The following RSRC1 variants were observed in gnomAD, a reference collection of about 807,000 sequenced individuals.
RSRC1 encodes serine/Arginine-related protein 53.
Under a neutral mutation model 49.1 loss-of-function variants are expected in RSRC1, and 39 were observed. That is an observed-to-expected ratio of 0.79 (90% CI 0.61 to 1.04). The LOEUF is 1.04. RSRC1 is among the 50% of genes least tolerant of loss of function. RSRC1 has a pLI of 0.00. For synonymous variants in RSRC1, 143 were observed against 130.8 expected (o/e 1.09, Z -0.63); for missense variants, 388 against 402.4 (o/e 0.96, Z 0.31).
At chr3:158,367,739 G>A (rs956900155) in intron 6 of RSRC1, among the ~76,000 whole-genome samples, 14 of 151,998 alleles carry the variant, frequency 9.2e-5, no homozygotes, top group Admixed American at 4.6e-4. Flanking sequence ...AAATAGTTTA[G>A]TTGACTTGGA....
rs1334050571 is a variant in RSRC1 at position 158,305,482 on chromosome 3, T to G, written c.531+7407T>G. Among the ~76,000 whole-genome samples the G allele has an allele frequency of 3.3e-5, 5 of 152,186 alleles. No homozygotes were observed. The South Asian group carries it at 1.0e-3, about 32-fold the overall frequency. On this transcript the variant is annotated intron_variant, in intron 5 of 9. Transcript: ENST00000611884. ...ACTGCAATAACTGAATATTGTATTC[T>G]TATTTTTGTTTTTTGTATTAGGGTT... is the stretch of plus-strand genomic sequence containing the variant.
intron 3 of RSRC1, among the ~76,000 whole-genome samples, chr3:158,126,019 TCTG>T (rs1275094283): frequency 1.2e-4 from 19 of 152,266 alleles, no homozygotes; most frequent in African/African-American, 4.3e-4. Flanking sequence ...TATGGCCACT[TCTG>T]CTCTTTTTTT....
At chr3:158,517,049 C>G (rs536882997) in intron 7 of RSRC1, among the ~76,000 whole-genome samples, 2 of 152,354 alleles carry the variant, frequency 1.3e-5, no homozygotes, top group African/African-American at 4.8e-5. Context: ...GCAGAAATCA[C>G]CCGTCTTCTG....
At chr3:158,379,653 C>A (rs953911824) in intron 6 of RSRC1, among the ~76,000 whole-genome samples, 1 of 152,092 alleles carries the variant, frequency 6.6e-6, no homozygotes, top group Non-Finnish European at 1.5e-5. Flanking sequence ...AGGCAGCTTC[C>A]CCTTCAAGGC....
Position 158,318,878 on chromosome 3 carries a change from T to C in RSRC1, c.531+20803T>C, listed in dbSNP as rs552305205. ...AGTGAAAGTAACTTTTGAGTTTTTA[T>C]TTCAACCCTTCTCTTTTCCTAGGAC... On this transcript the variant is annotated intron_variant, in intron 5 of 9. Transcript: ENST00000611884. 5.3e-5 allele frequency among the ~76,000 whole-genome samples: 8 copies of C among 152,330 alleles called. No homozygotes were observed. The East Asian group carries it at 1.5e-3, about 29-fold the overall frequency.
At chr3:158,259,763 G>A (rs769497059) in intron 4 of RSRC1, among the ~76,000 whole-genome samples, 3 of 152,146 alleles carry the variant, frequency 2.0e-5, no homozygotes, top group Non-Finnish European at 4.4e-5. Context: ...CTCTGTTCTA[G>A]TGCAGCTGAG....
In RSRC1 at chr3:158,399,248, G is replaced by A. The variant is rs1419990374; in HGVS notation, c.583+44340G>A. On this transcript the variant is annotated intron_variant, in intron 6 of 9. Transcript: ENST00000611884. ...CGGCTCACTGCAAGCTCCGCCTCCCGGGTTCACGCCATTCTCCTGCCTCAG... is the reference window on the plus strand; with the variant it reads ...CGGCTCACTGCAAGCTCCGCCTCCCAGGTTCACGCCATTCTCCTGCCTCAG... Among the ~76,000 whole-genome samples, 3 of 62,756 alleles carry A rather than the reference G, an allele frequency of 4.8e-5. 1 individual carries two copies. The highest frequency in any genetic ancestry group is 9.0e-5 in the Non-Finnish European group (3 of 33,314). The allele number at this position is 62,756 out of a possible 152,430, so 41.2% of individuals were successfully genotyped here. A position where few individuals can be genotyped will look rare whatever the true frequency, so the allele number is the denominator to read the frequency against.
At chr3:158,181,588 A>G (rs1479782217) in intron 3 of RSRC1, among the ~76,000 whole-genome samples, 1 of 148,092 alleles carries the variant, frequency 6.8e-6, no homozygotes, top group Non-Finnish European at 1.5e-5. Context: ...AGATGTTATC[A>G]TCATAGTTTG....
intron 4 of RSRC1, among the ~76,000 whole-genome samples, chr3:158,239,431 C>G (rs1317779025): frequency 6.6e-6 from 1 of 152,114 alleles, no homozygotes; most frequent in Non-Finnish European, 1.5e-5. Context: ...GCACTATTCA[C>G]AATAGCAAAG....
chr3:158,247,023 A>G (rs999971493), intron 4 of RSRC1, among the ~76,000 whole-genome samples: 5 of 151,872 alleles, frequency 3.3e-5, no homozygotes, highest in African/African-American at 1.2e-4. Flanking sequence ...CCAATCATTC[A>G]TAGATTCAGT....
intron 5 of RSRC1, chr3:158,336,496 G>C (rs1729898165): frequency 6.2e-6 from 1 of 160,422 alleles, no homozygotes; most frequent in Non-Finnish European, 1.4e-5. Flanking sequence ...TGACACTGAA[G>C]CATCTGTAGG....
rs1278992210 is a variant in RSRC1, at chr3:158,516,370, T to A, written c.653-20722T>A. On this transcript the variant is annotated intron_variant, in intron 7 of 9. Transcript: ENST00000611884. ...AGTACCCGGCCGTGTGAGGTGTCAG[T>A]GTGCCCCTGCTGGGGGGTGCCTCCC... Among the ~76,000 whole-genome samples, 17 of 152,168 alleles carry A rather than the reference T, an allele frequency of 1.1e-4. No homozygotes were observed. In the East Asian group the frequency reaches 3.1e-3, roughly 28 times the overall value.
intron 4 of RSRC1, among the ~76,000 whole-genome samples, chr3:158,213,765 A>C (rs1345490428): frequency 6.6e-6 from 1 of 151,958 alleles, no homozygotes; most frequent in East Asian, 1.9e-4. Context: ...GGCATTCTAC[A>C]TTAGAAAAAG....
chr3:158,529,429 A>T (rs527369250), intron 7 of RSRC1, among the ~76,000 whole-genome samples: 1 of 151,990 alleles, frequency 6.6e-6, no homozygotes, highest in East Asian at 1.9e-4. Flanking sequence ...GTTGAATCCC[A>T]GTTGTACCAC....
chr3:158,117,727 A>C lies in RSRC1; in HGVS notation c.-2-4376A>C, dbSNP rs566286259. 4.7e-4 allele frequency among the ~76,000 whole-genome samples: 71 copies of C among 152,260 alleles called. 1 individual carries two copies. The highest frequency in any genetic ancestry group is 7.2e-4 in the Non-Finnish European group (49 of 68,030). On this transcript the variant is annotated intron_variant, in intron 1 of 9. Coordinates refer to ENST00000611884, the MANE Select transcript of RSRC1 (RefSeq NM_001271838.2). Reference sequence around the variant, plus strand: ...CTAGAGCTTTGAACTCCTGGGGTCAAGGTGTCCTCCCATTTCAGCGTTCAG... The same window carrying C: ...CTAGAGCTTTGAACTCCTGGGGTCACGGTGTCCTCCCATTTCAGCGTTCAG...
At chr3:158,357,483 A>G (rs1347816640) in intron 6 of RSRC1, among the ~76,000 whole-genome samples, 1 of 152,308 alleles carries the variant, frequency 6.6e-6, no homozygotes, top group African/African-American at 2.4e-5. Context: ...GATATAACAT[A>G]TTACACCTTT....
intron 4 of RSRC1, among the ~76,000 whole-genome samples, chr3:158,289,661 C>G (rs958082732): frequency 6.6e-6 from 1 of 152,016 alleles, no homozygotes; most frequent in African/African-American, 2.4e-5. Flanking sequence ...GCAAGGTGTT[C>G]GCCAATCAAG....
At chr3:158,400,389 A>T (rs1044401982) in intron 6 of RSRC1, among the ~76,000 whole-genome samples, 1 of 152,040 alleles carries the variant, frequency 6.6e-6, no homozygotes. Flanking sequence ...TCATATTTTT[A>T]TTATTCTGGA....
chr3:158,283,554 A>G (rs1726307547), intron 4 of RSRC1, among the ~76,000 whole-genome samples: 1 of 152,070 alleles, frequency 6.6e-6, no homozygotes. Context: ...GAAAATACAT[A>G]ACTATGTCAC....
Sources: gnomAD v4.1 joint callset for allele counts (sites outside exome capture counted in the v4.1 genomes callset) on GRCh38, gnomAD v4.1.1 for gene constraint, MANE v1.5 for transcripts, NCBI Gene and HGNC (gene_info 2026-07-23, HGNC 2026-07-21) for gene names.